ZW10: variants seen among roughly 807,000 people sequenced by gnomAD.
The protein encoded by ZW10 is centromere/kinetochore protein zw10 homolog.
A neutral mutation model predicts 87.8 loss-of-function variants in ZW10; 53 were observed. That is an observed-to-expected ratio of 0.60 (90% CI 0.48 to 0.76). The LOEUF is 0.76. ZW10 is among the 30% of genes least tolerant of loss of function. The pLI is 0.00. For synonymous variants in ZW10, 312 were observed against 329.2 expected (o/e 0.95, Z 0.57); for missense variants, 837 against 923.0 (o/e 0.91, Z 1.21).
intron 2 of ZW10, among the ~76,000 whole-genome samples, chr11:113,764,353 G>A (rs1421715329): frequency 1.3e-5 from 2 of 152,090 alleles, no homozygotes; most frequent in African/African-American, 4.8e-5. Context: ...GGTCTTCTTT[G>A]ATTCCATATG....
chr11:113,769,081 G>A, intron 1 of ZW10, 114 bp from the exon 2 acceptor site: 2 of 1,045,860 alleles, frequency 1.9e-6, no homozygotes, highest in East Asian at 2.5e-5. Context: ...CTTGCCAATT[G>A]CCTATACCCA....
intron 14 of ZW10, 37 bp downstream of exon 14, chr11:113,737,535 G>T: frequency 6.7e-7 from 1 of 1,488,206 alleles, no homozygotes; most frequent in Non-Finnish European, 9.1e-7. Context: ...GACATGAATT[G>T]CATCTCAAGG....
Position 113,737,564 on chromosome 11 carries a change from GCC to G in ZW10, c.2016+6_2016+7del. ...CTCAAGGCTAGTGTAGCATCTAATGGCCCTTACCTCTAGGGCAGTAATTTTGC... is the reference window on the plus strand; with the variant it reads ...CTCAAGGCTAGTGTAGCATCTAATGGCTTACCTCTAGGGCAGTAATTTTGC... On this transcript the variant is annotated splice_donor_region_variant and intron_variant, in intron 14 of 15. Coordinates refer to ENST00000200135, the MANE Select transcript of ZW10 (RefSeq NM_004724.4). The G allele has an allele frequency of 6.2e-7, 1 of 1,603,854 alleles. No individual in the cohort carries two copies. The highest frequency in any genetic ancestry group is 8.5e-7 in the Non-Finnish European group (1 of 1,173,232).
chr11:113,733,428 TG>T lies in ZW10; in HGVS notation c.*265del. 2.3e-6 allele frequency: 1 copy of T among 431,848 alleles called. No individual in the cohort carries two copies. The highest frequency in any genetic ancestry group is 4.2e-6 in the Non-Finnish European group (1 of 240,620). The allele number at this position is 431,848 out of a possible 1,614,324, so 26.8% of individuals were successfully genotyped here. A position where few individuals can be genotyped will look rare whatever the true frequency, so the allele number is the denominator to read the frequency against. Reference sequence around the variant, plus strand: ...CTCTGGAAGCAGCATGAAATAATGCTGCCTGACAGTTTGTTAGCTAATCAAA... The same window carrying T: ...CTCTGGAAGCAGCATGAAATAATGCTCCTGACAGTTTGTTAGCTAATCAAA... On this transcript the variant is annotated 3_prime_UTR_variant, in exon 16 of 16. Transcript: ENST00000200135.
intron 7 of ZW10, chr11:113,751,084 A>G (rs1953729218): frequency 1.1e-5 from 2 of 188,998 alleles, no homozygotes; most frequent in East Asian, 1.1e-4. Flanking sequence ...TATTAGGTAG[A>G]TGCCTTGGAT....
intron 14 of ZW10, 99 bp downstream of exon 14, chr11:113,737,473 G>A: frequency 2.5e-6 from 3 of 1,187,054 alleles, no homozygotes; most frequent in Non-Finnish European, 2.3e-6. Flanking sequence ...AGTTAGACAT[G>A]AAACATGAAC....
intron 15 of ZW10, 61 bp downstream of exon 15, chr11:113,736,559 G>A: frequency 6.5e-7 from 1 of 1,535,474 alleles, no homozygotes; most frequent in Non-Finnish European, 9.0e-7. Context: ...GCTATCAAGG[G>A]CACTATTACT....
chr11:113,747,001 G>T (rs942411670), intron 9 of ZW10, among the ~76,000 whole-genome samples: 1 of 151,086 alleles, frequency 6.6e-6, no homozygotes, highest in Non-Finnish European at 1.5e-5. Flanking sequence ...CCAATTCAAG[G>T]TATATACATT....
chr11:113,741,686 G>T lies in ZW10; in HGVS notation c.1583+8C>A. 1 of 1,572,984 alleles carries T rather than the reference G, an allele frequency of 6.4e-7. No individual in the cohort carries two copies. The highest frequency in any genetic ancestry group is 8.7e-7 in the Non-Finnish European group (1 of 1,154,432). ...TATTATATAGAAATGAGATACAGTG[G>T]TACTTACTTGTGATATGTTGGTACA... is the stretch of plus-strand genomic sequence containing the variant. On this transcript the variant is annotated splice_region_variant and intron_variant, in intron 11 of 15. Transcript: ENST00000200135.
Position 113,736,749 on chromosome 11 carries a change from A to T in ZW10, c.2090T>A (p.Phe697Tyr). 4 of 1,614,158 alleles carry T rather than the reference A, an allele frequency of 2.5e-6. No individual in the cohort carries two copies. The highest frequency in any genetic ancestry group is 2.5e-6 in the Non-Finnish European group (3 of 1,180,022). Residue 697 changes from phenylalanine to tyrosine, a missense_variant, in exon 15 of 16, where the codon TTT (phenylalanine) becomes TAT (tyrosine). Transcript: ENST00000200135. ...CTTGCTTTCTTCAGATAAAGGTGCA[A>T]ATACTTGGGGTCCTTCATCCATCAC... ...KTVMDEGPQVFAPLSEESKNK... is the reference protein window; with the variant it reads ...KTVMDEGPQVYAPLSEESKNK...
At chr11:113,745,248 T>C (rs1953666494) in intron 9 of ZW10, among the ~76,000 whole-genome samples, 1 of 150,110 alleles carries the variant, frequency 6.7e-6, no homozygotes, top group Non-Finnish European at 1.5e-5. Context: ...GTAAAATAAA[T>C]AATATACTAA....
chr11:113,766,498 G>A (rs1404024740), intron 2 of ZW10, among the ~76,000 whole-genome samples: 6 of 150,676 alleles, frequency 4.0e-5, no homozygotes. Flanking sequence ...GTAAAACCCC[G>A]TCTCTACTAA....
chr11:113,734,804 C>CA (rs34510374), intron 15 of ZW10, among the ~76,000 whole-genome samples: 40,544 of 134,646 alleles, frequency 0.3, 5,734 homozygotes, highest in East Asian at 0.47. Context: ...GACTCTGTCT[C>CA]AAAAAAAAAA....
chr11:113,741,092 A>G (rs904471363), intron 11 of ZW10, among the ~76,000 whole-genome samples: 3 of 150,522 alleles, frequency 2.0e-5, no homozygotes, highest in African/African-American at 7.3e-5. Flanking sequence ...AAAAATCTGA[A>G]CTAAAAAATA....
chr11:113,760,850 T>C lies in ZW10; in HGVS notation c.309A>G (p.Ser103=). The change falls in exon 3 of 16, where the codon TCA becomes TCG. Residue 103 remains serine (S), a synonymous_variant. Transcript: ENST00000200135. The part of the protein sequence containing the change: ...TDLKQQLERD[S]VVLSLLKQLQ... ...ACTGTTTAAGCAAACTTAGGACAAC[T>C]GAGTCTCTTTCCAACTGCTGCTTTA... 1.2e-6 allele frequency: 2 copies of C among 1,614,118 alleles called. No individual in the cohort carries two copies. Among genetic ancestry groups the C allele is most frequent in the Non-Finnish European group, 8.5e-7 (1 of 1,180,006 alleles).
At chr11:113,742,134 C>T (rs1458543278) in intron 10 of ZW10, among the ~76,000 whole-genome samples, 1 of 152,204 alleles carries the variant, frequency 6.6e-6, no homozygotes, top group Non-Finnish European at 1.5e-5. Flanking sequence ...CTGCAAAGGG[C>T]AAGGTATCAA....
intron 6 of ZW10, among the ~76,000 whole-genome samples, 185 bp downstream of exon 6, chr11:113,758,369 T>TG (rs1555034578): frequency 3.7e-5 from 2 of 53,512 alleles, no homozygotes; most frequent in Non-Finnish European, 8.0e-5. Flanking sequence ...TAGGAACAGT[T>TG]GAAAAAAAAA....
Position 113,757,747 on chromosome 11 carries a change from T to C in ZW10, c.840A>G (p.Ile280Met), listed in dbSNP as rs1203504833. The change falls in exon 7 of 16, where the codon ATA (isoleucine) becomes ATG (methionine). Residue 280 changes from isoleucine to methionine, a missense_variant. Coordinates refer to ENST00000200135, the MANE Select transcript of ZW10 (RefSeq NM_004724.4). ...GTGATGGATATTCCAAGTTAGTCAT[T>C]ATAGATTCAAAACGAATAATAACTA... is the stretch of plus-strand genomic sequence containing the variant. The part of the protein sequence containing the change: ...PNIVIIRFES[I>M]MTNLEYPSPS... 4.3e-6 allele frequency: 7 copies of C among 1,613,868 alleles called. No individual in the cohort carries two copies. The Admixed American group carries it at 1.2e-4, about 27-fold the overall frequency.
chr11:113,768,780 G>A (rs1159317211), intron 2 of ZW10, 53 bp downstream of exon 2: 1 of 1,592,686 alleles, frequency 6.3e-7, no homozygotes, highest in Non-Finnish European at 8.6e-7. Flanking sequence ...TTAGCAATCA[G>A]GAAGCTGAAC....
Sources: gnomAD v4.1 joint callset for allele counts (sites outside exome capture counted in the v4.1 genomes callset) on GRCh38, gnomAD v4.1.1 for gene constraint, MANE v1.5 for transcripts, NCBI Gene and HGNC (gene_info 2026-07-23, HGNC 2026-07-21) for gene names.